Variants in PER3 observed in about 807,000 individuals in gnomAD.
PER3 encodes period circadian protein homolog 3.
A neutral mutation model predicts 127.2 loss-of-function variants in PER3; 107 were observed. That is an observed-to-expected ratio of 0.84 (90% CI 0.72 to 0.99). PER3 has a LOEUF of 0.99. PER3 is among the 50% of genes least tolerant of loss of function. The pLI, the probability that PER3 is intolerant of heterozygous loss-of-function variation, is 0.00. For synonymous variants in PER3, 618 were observed against 585.8 expected, an observed-to-expected ratio of 1.05 and a Z score of -0.79; for missense variants, 1,560 against 1,525.8, an observed-to-expected ratio of 1.02 and a Z score of -0.37.
In PER3 at chr1:7,789,140, A is replaced by AATAT. The variant is rs59535110; in HGVS notation, c.592+909_592+912dup. ...TGAAGTGTCTCTTAAAGAGCTTTAA[A>AATAT]ATATATATATATATATATCAGCGTT... On this transcript the variant is annotated intron_variant, in intron 5 of 21. Coordinates refer to ENST00000377532, the MANE Select transcript of PER3 (RefSeq NM_001377275.1). Among the ~76,000 whole-genome samples the AATAT allele has an allele frequency of 4.7e-3, 625 of 133,202 alleles. 6 individuals are homozygous for AATAT. Among genetic ancestry groups the AATAT allele is most frequent in the East Asian group, 0.021 (101 of 4,756 alleles). The allele number at this position is 133,202 out of a possible 152,430, so 87.4% of individuals were successfully genotyped here.
rs1417293999 is a variant in PER3, at chr1:7,843,569, A to G, written c.*814A>G. 6.6e-6 allele frequency: 1 copy of G among 152,522 alleles called. No homozygotes were observed. The highest frequency in any genetic ancestry group is 1.5e-5 in the Non-Finnish European group (1 of 68,172). 9.4% of individuals were successfully genotyped at this position (152,522 alleles called of 1,614,324 possible). On this transcript the variant is annotated 3_prime_UTR_variant, in exon 22 of 22. Transcript: ENST00000377532. ...TTGTAAAATGTTTTACAAGTAATGTAAAAGCTAGTATCATTCTTACATACT... is the reference window on the plus strand; with the variant it reads ...TTGTAAAATGTTTTACAAGTAATGTGAAAGCTAGTATCATTCTTACATACT...
rs1016486903 is a variant in PER3 at position 7,844,060 on chromosome 1, T to C, written c.*1305T>C. Reference sequence around the variant, plus strand: ...TTTTTTTTCCTTTTTTTGTTTTTGGTTTTTTATGGTTTTTTAAGGAAAATA... The same window carrying C: ...TTTTTTTTCCTTTTTTTGTTTTTGGCTTTTTATGGTTTTTTAAGGAAAATA... On this transcript the variant is annotated 3_prime_UTR_variant, in exon 22 of 22. Coordinates refer to ENST00000377532, the MANE Select transcript of PER3 (RefSeq NM_001377275.1). The C allele has an allele frequency of 2.4e-6, 2 of 837,552 alleles. No individual in the cohort carries two copies. The highest frequency in any genetic ancestry group is 3.0e-6 in the Non-Finnish European group (2 of 656,436). 51.9% of individuals were successfully genotyped at this position (837,552 alleles called of 1,614,324 possible). A position where few individuals can be genotyped will look rare whatever the true frequency, so the allele number is the denominator to read the frequency against.
intron 13 of PER3, among the ~76,000 whole-genome samples, chr1:7,817,592 C>CG (rs2097257366): frequency 6.6e-6 from 1 of 152,186 alleles, no homozygotes; most frequent in Non-Finnish European, 1.5e-5. Context: ...TGACCAGACT[C>CG]CTCACTATCA....
intron 1 of PER3, 35 bp from the exon 2 acceptor site, chr1:7,784,619 A>C: frequency 2.8e-6 from 1 of 363,608 alleles, no homozygotes. Context: ...TGTCTGTTCC[A>C]TTTGTCCCTT....
chr1:7,825,523 A>T (rs1055780218), intron 16 of PER3, among the ~76,000 whole-genome samples: 1 of 152,196 alleles, frequency 6.6e-6, no homozygotes, highest in Non-Finnish European at 1.5e-5. Flanking sequence ...GTTGATGGTT[A>T]ATGTACGTAT....
rs1184393889 is a variant in PER3 at position 7,826,102 on chromosome 1, G to A, written c.1958-378G>A. Among the ~76,000 whole-genome samples the A allele has an allele frequency of 1.3e-5, 2 of 151,958 alleles. No homozygotes were observed. Among genetic ancestry groups the A allele is most frequent in the African/African-American group, 2.4e-5 (1 of 41,346 alleles). On this transcript the variant is annotated intron_variant, in intron 16 of 21. Transcript: ENST00000377532. The surrounding 1 kb of genome is among the most constrained non-coding windows in gnomAD (Gnocchi z 4.2). Reference sequence around the variant, plus strand: ...TAGACAGAGCGTGGACGGGGGTGAGGGGAATTTACTACATGTCTTTATTAA... The same window carrying A: ...TAGACAGAGCGTGGACGGGGGTGAGAGGAATTTACTACATGTCTTTATTAA...
chr1:7,801,459 G>T (rs1221145948), intron 8 of PER3, among the ~76,000 whole-genome samples: 2 of 152,160 alleles, frequency 1.3e-5, no homozygotes, highest in African/African-American at 4.8e-5. Flanking sequence ...AGAAGACAAT[G>T]AACCCACCGG....
At position 7,819,342 on chromosome 1, in the gene PER3, C is replaced by G. The variant is rs1455823175; in HGVS notation, c.1580C>G (p.Thr527Ser). Residue 527 changes from threonine (T) to serine (S), a missense_variant, in exon 14 of 22, where the codon ACT (threonine) becomes AGT (serine). Transcript: ENST00000377532. ...ACACTGAAAAACAATAGTGTGTACACTGAGCCCTGTGAGGATTTGAGGAAC... is the reference window on the plus strand; with the variant it reads ...ACACTGAAAAACAATAGTGTGTACAGTGAGCCCTGTGAGGATTTGAGGAAC... The part of the protein sequence containing the change: ...HQTLKNNSVY[T>S]EPCEDLRNDE... 3 of 1,613,372 alleles carry G rather than the reference C, an allele frequency of 1.9e-6. No homozygotes were observed. The African/African-American group carries it at 4.0e-5, about 22-fold the overall frequency.
chr1:7,827,741 C>A lies in PER3; in HGVS notation c.2812C>A (p.Leu938Ile), dbSNP rs1306622615. 1 of 1,613,950 alleles carries A rather than the reference C, an allele frequency of 6.2e-7. No individual in the cohort carries two copies. Among genetic ancestry groups the A allele is most frequent in the Non-Finnish European group, 8.5e-7 (1 of 1,180,038 alleles). Residue 938 changes from leucine (L) to isoleucine (I), a missense_variant, in exon 18 of 22, where the codon CTT (leucine) becomes ATT (isoleucine). Around this residue, in one of 3 missense-constraint regions of PER3, gnomAD observed 1,332 missense variants for 1,223.6 expected, o/e 1.09. Coordinates refer to ENST00000377532, the MANE Select transcript of PER3 (RefSeq NM_001377275.1). ...CAGCTCACCCTTGCAGTTAAACTTA[C>A]TTCAGGAAGAGATGCCCAGACCCTC... ...RSSSPLQLNL[L>I]QEEMPRPSES...
chr1:7,803,955 C>A, intron 10 of PER3, 107 bp downstream of exon 10: 1 of 908,906 alleles, frequency 1.1e-6, no homozygotes, highest in Non-Finnish European at 1.7e-6. Flanking sequence ...CTAAATAAAG[C>A]ACAGATTTGT....
At chr1:7,813,953 A>C (rs1262356138) in intron 13 of PER3, among the ~76,000 whole-genome samples, 1 of 152,224 alleles carries the variant, frequency 6.6e-6, no homozygotes, top group East Asian at 1.9e-4. Flanking sequence ...CAAAGTGGGC[A>C]CCATGCAGGA....
intron 20 of PER3, 135 bp downstream of exon 20, chr1:7,836,080 C>T (rs747345716): frequency 6.8e-6 from 4 of 588,456 alleles, no homozygotes; most frequent in South Asian, 2.1e-5. Context: ...ACACTGCAAC[C>T]TCCATCTCCT....
intron 4 of PER3, 110 bp downstream of exon 4, chr1:7,786,946 G>A: frequency 2.9e-6 from 2 of 682,708 alleles, no homozygotes; most frequent in Non-Finnish European, 5.3e-6. Flanking sequence ...CACAATTTGA[G>A]AGAAGCAAAG....
chr1:7,792,847 GC>G (rs2097128169), intron 5 of PER3, among the ~76,000 whole-genome samples: 1 of 152,226 alleles, frequency 6.6e-6, no homozygotes, highest in Non-Finnish European at 1.5e-5. Context: ...CATTGTGGGT[GC>G]ACGTCTGCTG....
In PER3 at chr1:7,784,970, C is replaced by G. The variant is rs767862865; in HGVS notation, c.93C>G (p.Phe31Leu). Reference sequence around the variant, plus strand: ...CGGGGGAGCGGTGGAGCCCCGAGTTCCATCTGCAGAGGAAATTGGCGGACA... The same window carrying G: ...CGGGGGAGCGGTGGAGCCCCGAGTTGCATCTGCAGAGGAAATTGGCGGACA... ...EESGERWSPE[F>L]HLQRKLADSS... The change falls in exon 2 of 22, where the codon TTC becomes TTG. Residue 31 changes from phenylalanine to leucine, a missense_variant. Physicochemically the swap from Phe to Leu is conservative, Grantham distance 22. Coordinates refer to ENST00000377532, the MANE Select transcript of PER3 (RefSeq NM_001377275.1). 2 of 1,558,290 alleles carry G rather than the reference C, an allele frequency of 1.3e-6. No individual in the cohort carries two copies. The highest frequency in any genetic ancestry group is 2.4e-5 in the South Asian group (2 of 83,098).
In PER3 at chr1:7,843,520, G is replaced by A. The variant is rs2097400318; in HGVS notation, c.*765G>A. On this transcript the variant is annotated 3_prime_UTR_variant, in exon 22 of 22. Transcript: ENST00000377532. Reference sequence around the variant, plus strand: ...TTACCCAGTGCTGTTGCCCTTTTGAGTATTTTTGTTTTTAAAATAATGATT... The same window carrying A: ...TTACCCAGTGCTGTTGCCCTTTTGAATATTTTTGTTTTTAAAATAATGATT... 6.6e-6 allele frequency: 1 copy of A among 152,326 alleles called. No individual in the cohort carries two copies. Among genetic ancestry groups the A allele is most frequent in the Non-Finnish European group, 1.5e-5 (1 of 68,046 alleles). 9.4% of individuals were successfully genotyped at this position (152,326 alleles called of 1,614,324 possible). A position where few individuals can be genotyped will look rare whatever the true frequency, so the allele number is the denominator to read the frequency against.
intron 13 of PER3, among the ~76,000 whole-genome samples, chr1:7,815,991 C>CAAAAAAAAAAAAAAAAAAAAAAAAAAAAA (rs34144861): frequency 7.4e-5 from 5 of 67,662 alleles, no homozygotes; most frequent in Admixed American, 6.4e-4. Context: ...GACTCCGTCT[C>CAAAAAAAAAAAAAAAAAAAAAAAAAAAAA]AAAAAAAAAA....
chr1:7,836,475 G>A (rs1204458786), intron 20 of PER3, among the ~76,000 whole-genome samples: 4 of 152,058 alleles, frequency 2.6e-5, no homozygotes, highest in Admixed American at 1.3e-4. Flanking sequence ...CACTGCACCC[G>A]GCCTATGGTT....
chr1:7,842,328 C>G (rs2097394502), intron 21 of PER3, among the ~76,000 whole-genome samples: 1 of 151,488 alleles, frequency 6.6e-6, no homozygotes, highest in Non-Finnish European at 1.5e-5. Context: ...TAATGAAACC[C>G]TATCTCTACT....
Sources: gnomAD v4.1 joint callset for allele counts (sites outside exome capture counted in the v4.1 genomes callset) on GRCh38, gnomAD v4.1.1 for gene constraint, gnomAD v4.1.1 regional missense constraint, Gnocchi (gnomAD v3.1) non-coding constraint, MANE v1.5 for transcripts, NCBI Gene and HGNC (gene_info 2026-07-23, HGNC 2026-07-21) for gene names.